Variants in SULF1 observed in about 807,000 individuals in gnomAD.
SULF1 encodes the protein extracellular sulfatase Sulf-1.
SULF1 carries 46 observed loss-of-function variants against 110.5 expected under a neutral mutation model. That is an observed-to-expected ratio of 0.42 (90% CI 0.33 to 0.53). The LOEUF (loss-of-function observed/expected upper bound fraction) is 0.53. Among genes scored for constraint, SULF1 ranks in the 20% least tolerant of loss-of-function variants. SULF1 has a pLI of 0.12. For missense variants in SULF1, 941 were observed against 1,094.2 expected, an observed-to-expected ratio of 0.86 and a Z score of 1.98; for synonymous variants, 371 against 387.1, an observed-to-expected ratio of 0.96 and a Z score of 0.49.
chr8:69,620,683 C>T (rs1321817589), intron 13 of SULF1, among the ~76,000 whole-genome samples: 1 of 152,188 alleles, frequency 6.6e-6, no homozygotes, highest in Non-Finnish European at 1.5e-5. Flanking sequence ...TGAAAGCAGT[C>T]CTGACAGCTG....
chr8:69,493,982 A>G (rs1810142789), intron 1 of SULF1, among the ~76,000 whole-genome samples: 1 of 150,890 alleles, frequency 6.6e-6, no homozygotes, highest in Admixed American at 6.6e-5. Flanking sequence ...CTGACTTGCT[A>G]TTTGAACAAG....
chr8:69,471,342 C>T (rs1809074139), intron 1 of SULF1, among the ~76,000 whole-genome samples: 1 of 151,902 alleles, frequency 6.6e-6, no homozygotes, highest in Non-Finnish European at 1.5e-5. Flanking sequence ...CTAGAGTTAC[C>T]CCAATTTAGA....
chr8:69,627,934 TG>T, intron 17 of SULF1, 68 bp downstream of exon 17: 1 of 1,201,192 alleles, frequency 8.3e-7, no homozygotes, highest in Non-Finnish European at 1.2e-6. Flanking sequence ...GCATTAGCAC[TG>T]GGCTCATTTT....
At chr8:69,595,646 A>G (rs1807247754) in intron 8 of SULF1, among the ~76,000 whole-genome samples, 1 of 152,192 alleles carries the variant, frequency 6.6e-6, no homozygotes, top group African/African-American at 2.4e-5. Flanking sequence ...TTGAAGTCTT[A>G]TTTCATTTCT....
chr8:69,545,733 T>A (rs1814214191), intron 3 of SULF1, among the ~76,000 whole-genome samples: 1 of 152,216 alleles, frequency 6.6e-6, no homozygotes, highest in Non-Finnish European at 1.5e-5. Flanking sequence ...TTTCGCTCTT[T>A]TCGCCCAGGC....
intron 3 of SULF1, among the ~76,000 whole-genome samples, chr8:69,532,807 A>C (rs1394342128): frequency 1.3e-5 from 2 of 151,946 alleles, no homozygotes; most frequent in African/African-American, 4.8e-5. Flanking sequence ...TTGAACAGCA[A>C]CTCCGCCCTT....
chr8:69,586,580 T>C (rs1312358206), intron 7 of SULF1, 72 bp downstream of exon 7: 1 of 1,484,370 alleles, frequency 6.7e-7, no homozygotes, highest in East Asian at 2.3e-5. Flanking sequence ...TTTCAGTGAG[T>C]TAAACTATCC....
intron 19 of SULF1, among the ~76,000 whole-genome samples, chr8:69,635,131 A>G (rs969613532): frequency 3.9e-5 from 6 of 152,246 alleles, no homozygotes; most frequent in Non-Finnish European, 8.8e-5. Context: ...TCAACTAAAA[A>G]CAAAATCATT....
At chr8:69,642,900 C>T (rs1811588732) in intron 22 of SULF1, among the ~76,000 whole-genome samples, 1 of 152,174 alleles carries the variant, frequency 6.6e-6, no homozygotes, top group South Asian at 2.1e-4. Flanking sequence ...ACCACTCAAT[C>T]GGCCAGATAA....
chr8:69,473,903 T>C (rs969850827), intron 1 of SULF1, among the ~76,000 whole-genome samples: 2 of 152,228 alleles, frequency 1.3e-5, no homozygotes, highest in African/African-American at 4.8e-5. Context: ...GTGTTACTAA[T>C]ACATGCAACT....
At chr8:69,521,869 AG>A (rs1317409708) in intron 3 of SULF1, among the ~76,000 whole-genome samples, 1 of 151,450 alleles carries the variant, frequency 6.6e-6, no homozygotes, top group Non-Finnish European at 1.5e-5. Context: ...AAACAGTAAG[AG>A]GCCATTGAAA....
At chr8:69,486,394 G>A (rs1052049935) in intron 1 of SULF1, among the ~76,000 whole-genome samples, 1 of 150,760 alleles carries the variant, frequency 6.6e-6, no homozygotes, top group Non-Finnish European at 1.5e-5. Context: ...AAATTCATGC[G>A]TTTTCTCAAA....
At chr8:69,548,789 C>CAAAA (rs1814479297) in intron 3 of SULF1, among the ~76,000 whole-genome samples, 1 of 142,872 alleles carries the variant, frequency 7.0e-6, no homozygotes, top group African/African-American at 3.0e-5. Flanking sequence ...GACCCAGAGC[C>CAAAA]AAAACAAAAC....
chr8:69,505,146 G>T (rs890192244), intron 3 of SULF1, among the ~76,000 whole-genome samples: 4 of 152,172 alleles, frequency 2.6e-5, no homozygotes, highest in Non-Finnish European at 4.4e-5. Context: ...TTGCCAGATT[G>T]TCCCTTGTTC....
intron 15 of SULF1, 109 bp downstream of exon 15, chr8:69,624,306 C>A (rs1809833388): frequency 1.4e-6 from 2 of 1,434,632 alleles, no homozygotes; most frequent in Non-Finnish European, 1.9e-6. Context: ...CTTGGCAATA[C>A]AGTGCCTGAG....
At chr8:69,492,191 T>A (rs1809974457), upstream of SULF1, among the ~76,000 whole-genome samples, 1 of 151,288 alleles carries the variant, frequency 6.6e-6, no homozygotes, top group Non-Finnish European at 1.5e-5. Context: ...AAAGAAAATA[T>A]GAGTAGCAAG....
At chr8:69,484,782 G>A (rs1809630052) in intron 1 of SULF1, among the ~76,000 whole-genome samples, 1 of 151,500 alleles carries the variant, frequency 6.6e-6, no homozygotes. Flanking sequence ...TCTCAGGAAA[G>A]GAGGAGAACC....
intron 8 of SULF1, among the ~76,000 whole-genome samples, chr8:69,599,966 C>A (rs1329442849): frequency 6.6e-6 from 1 of 152,116 alleles, no homozygotes; most frequent in East Asian, 1.9e-4. Flanking sequence ...ATTCCCTGCA[C>A]CTATATTGAT....
At chr8:69,551,356 C>A (rs565769105) in intron 3 of SULF1, among the ~76,000 whole-genome samples, 2 of 152,276 alleles carry the variant, frequency 1.3e-5, no homozygotes, top group African/African-American at 2.4e-5. Context: ...ATTTGAGCAA[C>A]CTTACTCCTT....
Sources: allele counts gnomAD v4.1 joint callset (sites outside exome capture counted in the v4.1 genomes callset), GRCh38; gene constraint gnomAD v4.1.1; transcripts MANE v1.5; gene names NCBI Gene and HGNC (gene_info 2026-07-23, HGNC 2026-07-21).